The following NR3C2 variants were observed in gnomAD, a reference collection of about 807,000 sequenced individuals.
NR3C2 encodes the protein mineralocorticoid receptor.
A neutral mutation model predicts 86.4 loss-of-function variants in NR3C2; 15 were observed. The ratio of observed to expected loss-of-function variants is 0.17; its 90% CI spans 0.12 to 0.27. The LOEUF (loss-of-function observed/expected upper bound fraction) is 0.27. NR3C2 is among the 10% of genes least tolerant of loss of function. The pLI is 1.00. For synonymous variants in NR3C2, 458 were observed against 450.5 expected (o/e 1.02, Z -0.21); for missense variants, 960 against 1,195.6 (o/e 0.80, Z 2.91).
In NR3C2 at chr4:148,260,259, A is replaced by G. The variant is rs1031273540; in HGVS notation, c.1758-142T>C. 4 of 1,052,942 alleles carry G rather than the reference A, an allele frequency of 3.8e-6. No individual in the cohort carries two copies. The African/African-American group carries it at 6.3e-5, about 17-fold the overall frequency. The allele number at this position is 1,052,942 out of a possible 1,614,324, so 65.2% of individuals were successfully genotyped here. ...ATGACCACATACTATGTGACTTAGC[A>G]AAATAAAGGTAAAACCCGATGAGTG... On this transcript the variant is annotated intron_variant, in intron 2 of 8. Transcript: ENST00000358102.
chr4:148,164,406 T>C (rs1157766761), intron 4 of NR3C2, among the ~76,000 whole-genome samples: 1 of 152,234 alleles, frequency 6.6e-6, no homozygotes, highest in Non-Finnish European at 1.5e-5. Context: ...TATATCATTA[T>C]TTAGATGTAA....
chr4:148,260,257 G>C, intron 2 of NR3C2, 140 bp from the exon 3 acceptor site: 1 of 1,074,672 alleles, frequency 9.3e-7, no homozygotes, highest in Non-Finnish European at 1.4e-6. Flanking sequence ...ATGTGACTTA[G>C]CAAAATAAAG....
chr4:148,309,217 G>A (rs915330543), intron 2 of NR3C2, among the ~76,000 whole-genome samples: 5 of 152,092 alleles, frequency 3.3e-5, no homozygotes, highest in African/African-American at 1.2e-4. Context: ...CCACCATTTA[G>A]AACTACTGTG....
chr4:148,120,357 G>A, intron 6 of NR3C2, 69 bp from the exon 7 acceptor site: 1 of 1,595,912 alleles, frequency 6.3e-7, no homozygotes, highest in Non-Finnish European at 8.6e-7. Context: ...GGCAGCCTGA[G>A]GCAGCTTAAT....
At chr4:148,427,035 A>G (rs2126627580) in intron 2 of NR3C2, among the ~76,000 whole-genome samples, 1 of 151,926 alleles carries the variant, frequency 6.6e-6, no homozygotes, top group South Asian at 2.1e-4. Flanking sequence ...GTTCACTGCA[A>G]CGTCCACCTC....
intron 2 of NR3C2, among the ~76,000 whole-genome samples, chr4:148,293,948 A>T (rs1741917382): frequency 6.6e-6 from 1 of 152,202 alleles, no homozygotes; most frequent in Non-Finnish European, 1.5e-5. Flanking sequence ...CTGTGGGGAC[A>T]GGGCCCATCT....
At chr4:148,260,713 G>A (rs1740054892) in intron 2 of NR3C2, among the ~76,000 whole-genome samples, 1 of 152,094 alleles carries the variant, frequency 6.6e-6, no homozygotes, top group African/African-American at 2.4e-5. Flanking sequence ...AATTTGAAGG[G>A]ACACAGCCAA....
At chr4:148,312,567 T>C (rs1742953244) in intron 2 of NR3C2, among the ~76,000 whole-genome samples, 1 of 152,162 alleles carries the variant, frequency 6.6e-6, no homozygotes, top group Admixed American at 6.5e-5. Flanking sequence ...GGTACTAAAA[T>C]ACTAAAGGAA....
chr4:148,162,674 C>G (rs3846299), intron 4 of NR3C2, among the ~76,000 whole-genome samples: 3 of 152,116 alleles, frequency 2.0e-5, no homozygotes, highest in African/African-American at 4.8e-5. Context: ...TGGACTGCGT[C>G]GCATGGGGCT....
chr4:148,309,374 T>G (rs1938178432), intron 2 of NR3C2, among the ~76,000 whole-genome samples: 1 of 152,162 alleles, frequency 6.6e-6, no homozygotes, highest in Admixed American at 6.5e-5. Flanking sequence ...TAACCCACCA[T>G]CTAGTAAGAA....
intron 3 of NR3C2, among the ~76,000 whole-genome samples, chr4:148,238,182 A>G (rs191945580): frequency 1.4e-3 from 208 of 152,278 alleles, no homozygotes; most frequent in Non-Finnish European, 2.5e-3. Context: ...ATCACATGCA[A>G]TTACAGATGG....
chr4:148,231,778 C>G (rs1040802416), intron 3 of NR3C2, among the ~76,000 whole-genome samples: 10 of 152,186 alleles, frequency 6.6e-5, no homozygotes, highest in African/African-American at 2.4e-4. Context: ...GCAATCCTCT[C>G]AATCTCTACC....
chr4:148,444,395 G>T, upstream of NR3C2: 1 of 986,540 alleles, frequency 1.0e-6, no homozygotes, highest in South Asian at 4.7e-5. Context: ...TCTCCTGCCC[G>T]CATCCCACCT....
upstream of NR3C2, chr4:148,442,826 C>G (rs72646921): frequency 7.1e-6 from 7 of 985,332 alleles, no homozygotes; most frequent in African/African-American, 1.7e-5. Flanking sequence ...CCCAAACTTG[C>G]TTACGTCCAC....
chr4:148,146,534 G>T (rs1041863637), intron 6 of NR3C2: 3 of 152,342 alleles, frequency 2.0e-5, no homozygotes, highest in Non-Finnish European at 4.4e-5. Flanking sequence ...CAGCGACTGG[G>T]GACACAAAGA....
rs912693115 is a variant in NR3C2, at chr4:148,247,566, G to A, written c.1897+12412C>T. On this transcript the variant is annotated intron_variant, in intron 3 of 8. Transcript: ENST00000358102. ...TACAGGTAATTTTCAAGACACAGTA[G>A]ATGATTTAAAAAATAGAAGCACACT... 4.0e-5 allele frequency among the ~76,000 whole-genome samples: 6 copies of A among 151,424 alleles called. No homozygotes were observed. In the Admixed American group the frequency reaches 4.0e-4, roughly 10 times the overall value.
intron 2 of NR3C2, among the ~76,000 whole-genome samples, chr4:148,269,220 A>G (rs1271779316): frequency 6.6e-6 from 1 of 152,162 alleles, no homozygotes; most frequent in Non-Finnish European, 1.5e-5. Context: ...TGGGGGAGCA[A>G]GATAAGGCAG....
intron 6 of NR3C2, among the ~76,000 whole-genome samples, chr4:148,125,292 A>G (rs1054396866): frequency 6.6e-6 from 1 of 152,218 alleles, no homozygotes; most frequent in Admixed American, 6.5e-5. Flanking sequence ...CTTCCTTGCC[A>G]TGCTGGCTGG....
chr4:148,099,419 G>A (rs908684437), intron 8 of NR3C2, among the ~76,000 whole-genome samples: 1 of 152,070 alleles, frequency 6.6e-6, no homozygotes, highest in Non-Finnish European at 1.5e-5. Context: ...GGCTCCCTCA[G>A]GTGCTTCTTT....
Sources: gnomAD v4.1 joint callset for allele counts (sites outside exome capture counted in the v4.1 genomes callset) on GRCh38, gnomAD v4.1.1 for gene constraint, MANE v1.5 for transcripts, NCBI Gene and HGNC (gene_info 2026-07-23, HGNC 2026-07-21) for gene names.